The following TSGA13 variants were observed in gnomAD, a reference collection of about 807,000 sequenced individuals.
TSGA13 encodes testis-specific gene 13 protein.
Under a neutral mutation model 35.1 loss-of-function variants are expected in TSGA13, and 37 were observed. The ratio of observed to expected loss-of-function variants is 1.05; its 90% CI spans 0.81 to 1.39. The LOEUF (loss-of-function observed/expected upper bound fraction) is 1.39. Among genes scored for constraint, TSGA13 ranks in the 40% most tolerant of loss-of-function variants. TSGA13 has a pLI of 0.00. For missense variants in TSGA13, 338 were observed against 328.5 expected (o/e 1.03, Z -0.22); for synonymous variants, 124 against 121.2 (o/e 1.02, Z -0.15).
intron 3 of TSGA13, 72 bp from the exon 4 acceptor site, chr7:130,681,089 C>T: frequency 7.6e-7 from 1 of 1,323,360 alleles, no homozygotes. Context: ...CCTTACCTCA[C>T]CTTAGTCTCA....
chr7:130,672,080 G>T (rs566696166), intron 6 of TSGA13, among the ~76,000 whole-genome samples: 34 of 151,916 alleles, frequency 2.2e-4, no homozygotes, highest in African/African-American at 6.5e-4. Flanking sequence ...TAGTAGAGAC[G>T]GTTTTCACCA....
At chr7:130,671,600 A>T in intron 7 of TSGA13, 61 bp downstream of exon 7, 2 of 1,469,582 alleles carry the variant, frequency 1.4e-6, no homozygotes, top group Non-Finnish European at 1.8e-6. Context: ...ATCCTCATGG[A>T]TTGTATCTCC....
Position 130,686,359 on chromosome 7 carries a change from A to G in TSGA13, c.-248T>C, listed in dbSNP as rs1452044912. 1 of 152,214 alleles carries G rather than the reference A, an allele frequency of 6.6e-6. No individual in the cohort carries two copies. Among genetic ancestry groups the G allele is most frequent in the African/African-American group, 2.4e-5 (1 of 41,462 alleles). 9.4% of individuals were successfully genotyped at this position (152,214 alleles called of 1,614,324 possible). ...TGGGCAGTATAAGTCTTGGGTTGCT[A>G]GTCTGCAGGCCAGGCTGAAAAACAA... On this transcript the variant is annotated 5_prime_UTR_variant, in exon 1 of 8. It removes the in-frame stop codon of an upstream open reading frame in the 5' UTR. Coordinates refer to ENST00000356588, the MANE Select transcript of TSGA13 (RefSeq NM_052933.4).
At chr7:130,672,937 T>C (rs1446457696) in intron 5 of TSGA13, 61 bp from the exon 6 acceptor site, 33 of 1,503,856 alleles carry the variant, frequency 2.2e-5, no homozygotes, top group Non-Finnish European at 2.9e-5. Flanking sequence ...GATTTTAAGT[T>C]TGGACCAAGT....
intron 6 of TSGA13, among the ~76,000 whole-genome samples, chr7:130,672,373 T>C (rs1029808557): frequency 2.0e-5 from 3 of 152,224 alleles, no homozygotes; most frequent in Admixed American, 1.3e-4. Context: ...TAGGCTGCTC[T>C]TGTAAGTAGT....
At position 130,685,245 on chromosome 7, in the gene TSGA13, G is replaced by A. The variant is rs782039727; in HGVS notation, c.-35C>T. ...CTGCTAGTTGGCCAACCCAAGGCAG[G>A]TATTCACCCAAGGCCAAATTCAGGT... On this transcript the variant is annotated 5_prime_UTR_variant, in exon 2 of 8. Transcript: ENST00000356588. 4 of 1,611,784 alleles carry A rather than the reference G, an allele frequency of 2.5e-6. No individual in the cohort carries two copies. The highest frequency in any genetic ancestry group is 3.3e-5 in the Admixed American group (2 of 59,984).
At chr7:130,681,154 G>A (rs117574581) in intron 3 of TSGA13, 137 bp from the exon 4 acceptor site, 24,594 of 692,208 alleles carry the variant, frequency 0.036, 561 homozygotes, top group Middle Eastern at 0.05. Context: ...ACAGTTAGAA[G>A]TGCTTCAGAT....
intron 7 of TSGA13, among the ~76,000 whole-genome samples, chr7:130,669,516 G>T (rs1428155175): frequency 1.3e-5 from 2 of 152,162 alleles, no homozygotes; most frequent in African/African-American, 4.8e-5. Flanking sequence ...CTTTTTCTCA[G>T]AGTGTATGCT....
At chr7:130,679,818 G>A (rs146532683) in intron 4 of TSGA13, among the ~76,000 whole-genome samples, 4 of 152,224 alleles carry the variant, frequency 2.6e-5, no homozygotes, top group East Asian at 1.9e-4. Flanking sequence ...GTTATCACAC[G>A]CAGCCCTAAA....
In TSGA13 at chr7:130,682,250, G is replaced by T. The variant is rs531585339; in HGVS notation, c.103-1233C>A. ...TTCTCCTGCCTCAGCCTCCTGAGTA[G>T]CTGGGATTACAGGCTCCCACCACCG... On this transcript the variant is annotated intron_variant, in intron 3 of 7. Coordinates refer to ENST00000356588, the MANE Select transcript of TSGA13 (RefSeq NM_052933.4). Among the ~76,000 whole-genome samples, 3 of 152,190 alleles carry T rather than the reference G, an allele frequency of 2.0e-5. No individual in the cohort carries two copies. The South Asian group carries it at 6.2e-4, about 32-fold the overall frequency.
Position 130,681,027 on chromosome 7 carries a change from A to G in TSGA13, c.103-10T>C. The G allele has an allele frequency of 6.2e-7, 1 of 1,614,004 alleles. No homozygotes were observed. On this transcript the variant is annotated splice_polypyrimidine_tract_variant and intron_variant, in intron 3 of 7. Coordinates refer to ENST00000356588, the MANE Select transcript of TSGA13 (RefSeq NM_052933.4). ...CGACTGCATCAGAAATCTAAAGAGG[A>G]TAATCAAAGTTAGTGGTTTGAAGTT... is the stretch of plus-strand genomic sequence containing the variant.
At chr7:130,676,168 G>T (rs548349748) in intron 5 of TSGA13, among the ~76,000 whole-genome samples, 1 of 152,310 alleles carries the variant, frequency 6.6e-6, no homozygotes, top group South Asian at 2.1e-4. Flanking sequence ...ATGATTCTAG[G>T]TTTACAAAAG....
At chr7:130,683,935 C>G (rs1796603291) in intron 2 of TSGA13, among the ~76,000 whole-genome samples, 1 of 152,184 alleles carries the variant, frequency 6.6e-6, no homozygotes, top group African/African-American at 2.4e-5. Flanking sequence ...TTGGTTTCTT[C>G]TAAAATAAGG....
intron 5 of TSGA13, among the ~76,000 whole-genome samples, chr7:130,675,056 C>T (rs1796378540): frequency 6.6e-6 from 1 of 151,490 alleles, no homozygotes; most frequent in African/African-American, 2.4e-5. Context: ...GACCTCATAT[C>T]AGAAAAACAG....
rs782723948 is a variant in TSGA13 at position 130,671,780 on chromosome 7, G to A, written c.539C>T (p.Thr180Ile). 1.3e-6 allele frequency: 2 copies of A among 1,584,582 alleles called. No individual in the cohort carries two copies. The highest frequency in any genetic ancestry group is 3.4e-5 in the Admixed American group (2 of 58,848). Residue 180 changes from threonine to isoleucine, a missense_variant, in exon 7 of 8, where the codon ACT becomes ATT. Transcript: ENST00000356588. ...SKREQWFRFSTDNDFKSEGKY... is the reference protein window; with the variant it reads ...SKREQWFRFSIDNDFKSEGKY... ...CCCTTCGCTCTTGAAATCATTGTCA[G>A]TGGAAAACCTTAACAAAGAAAGTTC... is the stretch of plus-strand genomic sequence containing the variant.
intron 5 of TSGA13, among the ~76,000 whole-genome samples, chr7:130,676,038 G>A (rs1584635031): frequency 6.6e-6 from 1 of 152,278 alleles, no homozygotes; most frequent in East Asian, 1.9e-4. Flanking sequence ...ACTTAGAAGG[G>A]GCTGTTAGTA....
At chr7:130,674,604 A>T (rs1796367674) in intron 5 of TSGA13, among the ~76,000 whole-genome samples, 1 of 152,248 alleles carries the variant, frequency 6.6e-6, no homozygotes, top group African/African-American at 2.4e-5. Context: ...AGTCACTAGA[A>T]TTAAGCTTCA....
At chr7:130,685,014 CAA>C (rs1554465545) in intron 2 of TSGA13, among the ~76,000 whole-genome samples, 172 bp downstream of exon 2, 50 of 152,156 alleles carry the variant, frequency 3.3e-4, no homozygotes, top group African/African-American at 1.2e-3. Context: ...TTGACAAAAG[CAA>C]CCATGAAATA....
At chr7:130,683,509 G>T in intron 3 of TSGA13, 85 bp downstream of exon 3, 1 of 1,274,228 alleles carries the variant, frequency 7.8e-7, no homozygotes, top group Non-Finnish European at 1.1e-6. Flanking sequence ...TTTTCAATAG[G>T]GAAGTTTGTG....
Sources: gnomAD v4.1 joint callset for allele counts (sites outside exome capture counted in the v4.1 genomes callset) on GRCh38, gnomAD v4.1.1 for gene constraint, MANE v1.5 for transcripts, NCBI Gene and HGNC (gene_info 2026-07-23, HGNC 2026-07-21) for gene names.